Variants in MAP3K9 observed in about 807,000 individuals in gnomAD.
The protein encoded by MAP3K9 is mixed lineage kinase 1 (tyr and ser/thr specificity).
MAP3K9 carries 46 observed loss-of-function variants against 95.8 expected under a neutral mutation model. The observed-to-expected ratio is 0.48, with a 90% CI of 0.38 to 0.61. The LOEUF (loss-of-function observed/expected upper bound fraction) is 0.61. Among genes scored for constraint, MAP3K9 ranks in the 20% least tolerant of loss-of-function variants. The pLI is 0.00. For missense variants in MAP3K9, 1,296 were observed against 1,474.3 expected (o/e 0.88, Z 1.98); for synonymous variants, 533 against 593.8 (o/e 0.90, Z 1.49).
Position 70,737,168 on chromosome 14 carries a change from G to A in MAP3K9, c.1844+1077C>T, listed in dbSNP as rs76828553. 6.6e-3 allele frequency among the ~76,000 whole-genome samples: 1,004 copies of A among 152,192 alleles called. 16 individuals are homozygous for A. The highest frequency in any genetic ancestry group is 0.022 in the African/African-American group (919 of 41,510). ...AACACCAAGAATATGAAGTATAAAC[G>A]GTTCCGTCCATTCTTCAGATATGAT... On this transcript the variant is annotated intron_variant, in intron 8 of 11. Transcript: ENST00000554752.
intron 2 of MAP3K9, among the ~76,000 whole-genome samples, chr14:70,797,725 T>G (rs1221080282): frequency 6.6e-6 from 1 of 152,128 alleles, no homozygotes; most frequent in Non-Finnish European, 1.5e-5. Context: ...AGTGAGACCC[T>G]GTCTCTAAAA....
intron 1 of MAP3K9, among the ~76,000 whole-genome samples, chr14:70,802,018 A>C (rs1031058852): frequency 2.0e-5 from 3 of 152,210 alleles, no homozygotes; most frequent in African/African-American, 4.8e-5. Context: ...GGGCTTGAAC[A>C]TCACATTGTA....
At chr14:70,784,193 G>C (rs1247743850) in intron 2 of MAP3K9, among the ~76,000 whole-genome samples, 1 of 152,084 alleles carries the variant, frequency 6.6e-6, no homozygotes, top group Non-Finnish European at 1.5e-5. Context: ...TGAGGCAGGA[G>C]AATCGCTTGA....
chr14:70,774,983 C>CAAAAAAAAAAAAAAAAAAA lies in MAP3K9; in HGVS notation c.821-13820_821-13802dup, dbSNP rs60144338. ...TGGAGACAGAGTGAGACTCTGTCCC[C>CAAAAAAAAAAAAAAAAAAA]AAAAAAAAAAAAAAAAAAAAAAAAA... On this transcript the variant is annotated intron_variant, in intron 2 of 11. Coordinates refer to ENST00000554752, the MANE Select transcript of MAP3K9 (RefSeq NM_001284230.2). Among the ~76,000 whole-genome samples the CAAAAAAAAAAAAAAAAAAA allele has an allele frequency of 3.4e-4, 19 of 55,114 alleles. 1 individual carries two copies. Among genetic ancestry groups the CAAAAAAAAAAAAAAAAAAA allele is most frequent in the East Asian group, 7.5e-4 (1 of 1,342 alleles). 36.2% of individuals were successfully genotyped at this position (55,114 alleles called of 152,430 possible). A position where few individuals can be genotyped will look rare whatever the true frequency, so the allele number is the denominator to read the frequency against.
chr14:70,800,653 C>A lies in MAP3K9; in HGVS notation c.820+14G>T. ...CTGCTCTGAGCCCCTCCAGCCCCAT[C>A]TCTTCATACTCACTGTTGCTGGACT... On this transcript the variant is annotated intron_variant, in intron 2 of 11. Coordinates refer to ENST00000554752, the MANE Select transcript of MAP3K9 (RefSeq NM_001284230.2). 6.2e-7 allele frequency: 1 copy of A among 1,607,668 alleles called. No homozygotes were observed. The highest frequency in any genetic ancestry group is 8.5e-7 in the Non-Finnish European group (1 of 1,176,448).
chr14:70,751,598 A>G (rs1013451079), intron 3 of MAP3K9, among the ~76,000 whole-genome samples: 3 of 152,104 alleles, frequency 2.0e-5, no homozygotes, highest in African/African-American at 4.8e-5. Context: ...GCATGCCTGT[A>G]ATCCCAGCTA....
chr14:70,800,862 C>A lies in MAP3K9; in HGVS notation c.625G>T (p.Val209Leu), dbSNP rs755556091. The A allele has an allele frequency of 6.2e-7, 1 of 1,614,186 alleles. No individual in the cohort carries two copies. Among genetic ancestry groups the A allele is most frequent in the Non-Finnish European group, 8.5e-7 (1 of 1,180,024 alleles). ...CAGAGGTTGGGCTCCTTCAGACATA[C>A]CCCTCTTAGGGCAATGATGTTGGGG... ...KHPNIIALRGVCLKEPNLCLV... is the reference protein window; with the variant it reads ...KHPNIIALRGLCLKEPNLCLV... The change falls in exon 2 of 12, where the codon GTA becomes TTA. Residue 209 changes from valine to leucine, a missense_variant. By Grantham distance (32) the Val-to-Leu change is conservative (BLOSUM62 1). Around this residue, in one of 5 missense-constraint regions of MAP3K9, gnomAD observed 338 missense variants for 363.4 expected, o/e 0.93. Coordinates refer to ENST00000554752, the MANE Select transcript of MAP3K9 (RefSeq NM_001284230.2).
chr14:70,794,074 A>G (rs920795954), intron 2 of MAP3K9, among the ~76,000 whole-genome samples: 1 of 152,236 alleles, frequency 6.6e-6, no homozygotes, highest in African/African-American at 2.4e-5. Context: ...GTTTGAACTG[A>G]GCACAGAAAA....
At chr14:70,766,567 C>T (rs1358432706) in intron 2 of MAP3K9, among the ~76,000 whole-genome samples, 4 of 152,186 alleles carry the variant, frequency 2.6e-5, no homozygotes, top group African/African-American at 9.7e-5. Flanking sequence ...TCACTTACTA[C>T]GTAGCAGCAC....
At chr14:70,762,641 A>C (rs1220449229) in intron 2 of MAP3K9, among the ~76,000 whole-genome samples, 1 of 152,128 alleles carries the variant, frequency 6.6e-6, no homozygotes, top group East Asian at 1.9e-4. Flanking sequence ...ATATATTCTG[A>C]TACTAGACCC....
In MAP3K9 at chr14:70,755,727, G is replaced by A. The variant is rs144445262; in HGVS notation, c.1001+5275C>T. Among the ~76,000 whole-genome samples, 985 of 152,308 alleles carry A rather than the reference G, an allele frequency of 6.5e-3. 11 individuals carry two copies. Among genetic ancestry groups the A allele is most frequent in the African/African-American group, 0.021 (883 of 41,544 alleles). On this transcript the variant is annotated intron_variant, in intron 3 of 11. Coordinates refer to ENST00000554752, the MANE Select transcript of MAP3K9 (RefSeq NM_001284230.2). ...AGAAGGAATGAAAGGCCCATTTAAT[G>A]GGTTATAAATTGTGCTTTGAAGGAA...
intron 2 of MAP3K9, among the ~76,000 whole-genome samples, chr14:70,781,758 C>T (rs374636006): frequency 3.9e-5 from 6 of 152,152 alleles, no homozygotes; most frequent in South Asian, 2.1e-4. Context: ...GGCTCAGGGT[C>T]GAGGACTTTG....
chr14:70,775,485 C>T (rs552432829), intron 2 of MAP3K9, among the ~76,000 whole-genome samples: 10 of 152,314 alleles, frequency 6.6e-5, no homozygotes, highest in Middle Eastern at 3.4e-3. Context: ...TCATAGGCCA[C>T]AGTGTATGAC....
At chr14:70,800,209 T>C (rs929281932) in intron 2 of MAP3K9, among the ~76,000 whole-genome samples, 7 of 152,208 alleles carry the variant, frequency 4.6e-5, no homozygotes, top group African/African-American at 9.6e-5. Context: ...GTTTAAAGAA[T>C]AGCATTCTCT....
In MAP3K9 at chr14:70,733,038, C is replaced by G; in HGVS notation, c.2331G>C (p.Leu777=). The change falls in exon 11 of 12, where the codon CTG becomes CTC. Residue 777 remains leucine, a synonymous_variant. Coordinates refer to ENST00000554752, the MANE Select transcript of MAP3K9 (RefSeq NM_001284230.2). ...GTGGCTCAGGCTCCTCCAGGGGAAG[C>G]AGCTGGCACTTGCCAGCTTCCAGCA... ...FDLLEAGKCQ[L]LPLEEPEPPA... The G allele has an allele frequency of 1.9e-6, 3 of 1,614,186 alleles. No homozygotes were observed. Among genetic ancestry groups the G allele is most frequent in the Non-Finnish European group, 2.5e-6 (3 of 1,180,032 alleles).
chr14:70,762,546 T>C (rs1303179839), intron 2 of MAP3K9, among the ~76,000 whole-genome samples: 4 of 152,218 alleles, frequency 2.6e-5, no homozygotes, highest in African/African-American at 9.7e-5. Context: ...TTGTGTATCT[T>C]CTTTGGAGAA....
chr14:70,733,133 G>A lies in MAP3K9; in HGVS notation c.2236C>T (p.His746Tyr). ...TNSLKRGGAH[H>Y]RRCEVALLGC... Reference sequence around the variant, plus strand: ...AGCAGAGCCACCTCGCAGCGGCGGTGGTGGGCACCGCCCCGCTTGAGGCTG... The same window carrying A: ...AGCAGAGCCACCTCGCAGCGGCGGTAGTGGGCACCGCCCCGCTTGAGGCTG... Residue 746 changes from histidine (H) to tyrosine (Y), a missense_variant, in exon 11 of 12, where the codon CAC (histidine) becomes TAC (tyrosine). Coordinates refer to ENST00000554752, the MANE Select transcript of MAP3K9 (RefSeq NM_001284230.2). 2 of 1,613,792 alleles carry A rather than the reference G, an allele frequency of 1.2e-6. No individual in the cohort carries two copies. Among genetic ancestry groups the A allele is most frequent in the Non-Finnish European group, 1.7e-6 (2 of 1,179,836 alleles).
chr14:70,760,140 T>TGCAC, intron 3 of MAP3K9, among the ~76,000 whole-genome samples: 1 of 42,022 alleles, frequency 2.4e-5, no homozygotes, highest in East Asian at 6.5e-4. Context: ...AAAATAAACG[T>TGCAC]GCACACACAC....
At chr14:70,747,603 C>G (rs1284302421) in intron 5 of MAP3K9, among the ~76,000 whole-genome samples, 1 of 152,158 alleles carries the variant, frequency 6.6e-6, no homozygotes, top group East Asian at 1.9e-4. Context: ...CACTTACTAA[C>G]TCTGTTACTT....
Sources: gnomAD v4.1 joint callset for allele counts (sites outside exome capture counted in the v4.1 genomes callset) on GRCh38, gnomAD v4.1.1 for gene constraint, gnomAD v4.1.1 regional missense constraint, MANE v1.5 for transcripts, NCBI Gene and HGNC (gene_info 2026-07-23, HGNC 2026-07-21) for gene names.